The following ADAMTS14 variants were observed in gnomAD, a reference collection of about 807,000 sequenced individuals.
ADAMTS14 encodes the protein A disintegrin and metalloproteinase with thrombospondin motifs 14.
ADAMTS14 carries 100 observed loss-of-function variants against 128.6 expected under a neutral mutation model. The ratio of observed to expected loss-of-function variants is 0.78; its 90% confidence interval spans 0.66 to 0.92. The LOEUF (loss-of-function observed/expected upper bound fraction) is 0.92. ADAMTS14 is among the 40% of genes least tolerant of loss of function. ADAMTS14 has a pLI of 0.00. For missense variants in ADAMTS14, 1,562 were observed against 1,658.6 expected (o/e 0.94, Z 1.01); for synonymous variants, 665 against 653.8 (o/e 1.02, Z -0.26).
intron 9 of ADAMTS14, among the ~76,000 whole-genome samples, chr10:70,735,645 G>A (rs1292394573): frequency 1.3e-5 from 2 of 152,206 alleles, no homozygotes; most frequent in Non-Finnish European, 2.9e-5. Context: ...CACACCCTCC[G>A]GGGATGTGCC....
intron 1 of ADAMTS14, among the ~76,000 whole-genome samples, chr10:70,673,171 T>C (rs1278958254): frequency 6.6e-6 from 1 of 152,192 alleles, no homozygotes; most frequent in Admixed American, 6.5e-5. Flanking sequence ...GTGTTTCTTC[T>C]TTCCCCTCTT....
At chr10:70,750,447 C>A (rs940933281) in intron 16 of ADAMTS14, among the ~76,000 whole-genome samples, 1 of 152,190 alleles carries the variant, frequency 6.6e-6, no homozygotes, top group African/African-American at 2.4e-5. Context: ...CCCATACCCC[C>A]CTTCCTAGAG....
chr10:70,739,074 A>G, intron 11 of ADAMTS14, 84 bp downstream of exon 11: 2 of 1,474,800 alleles, frequency 1.4e-6, no homozygotes, highest in Non-Finnish European at 1.8e-6. Flanking sequence ...CTGGGGAGAC[A>G]GTGCAGGAGA....
At chr10:70,730,565 C>T (rs1402729438) in intron 6 of ADAMTS14, among the ~76,000 whole-genome samples, 1 of 152,192 alleles carries the variant, frequency 6.6e-6, no homozygotes, top group Non-Finnish European at 1.5e-5. Flanking sequence ...TGCTTCTCTC[C>T]ACACTGTGTC....
intron 3 of ADAMTS14, among the ~76,000 whole-genome samples, chr10:70,706,753 C>T (rs1589281784): frequency 6.6e-6 from 1 of 152,364 alleles, no homozygotes; most frequent in East Asian, 1.9e-4. Context: ...TGCACTATAG[C>T]ACCACTCAGC....
Position 70,761,153 on chromosome 10 carries a change from A to G in ADAMTS14, c.*300A>G, listed in dbSNP as rs1419800954. 1 of 313,960 alleles carries G rather than the reference A, an allele frequency of 3.2e-6. No individual in the cohort carries two copies. Among genetic ancestry groups the G allele is most frequent in the East Asian group, 5.6e-5 (1 of 17,932 alleles). 19.4% of individuals were successfully genotyped at this position (313,960 alleles called of 1,614,324 possible). A position where few individuals can be genotyped will look rare whatever the true frequency, so the allele number is the denominator to read the frequency against. On this transcript the variant is annotated 3_prime_UTR_variant, in exon 22 of 22. Transcript: ENST00000373207. Reference sequence around the variant, plus strand: ...CAGGGTCAACTATTGCTCCCTCCTCACAGACCCTGGGCCTGGGCAGGTCTG... The same window carrying G: ...CAGGGTCAACTATTGCTCCCTCCTCGCAGACCCTGGGCCTGGGCAGGTCTG...
intron 21 of ADAMTS14, 67 bp from the exon 22 acceptor site, chr10:70,760,293 G>C (rs985668978): frequency 2.9e-5 from 43 of 1,500,090 alleles, no homozygotes; most frequent in Non-Finnish European, 2.4e-5. Flanking sequence ...TAAGTGGGAG[G>C]GGGGGCCACC....
At chr10:70,759,606 T>C (rs955116422) in intron 21 of ADAMTS14, among the ~76,000 whole-genome samples, 15 of 152,356 alleles carry the variant, frequency 9.8e-5, no homozygotes, top group African/African-American at 3.4e-4. Flanking sequence ...TTTAAGTGAC[T>C]TGCCAAAGGC....
intron 4 of ADAMTS14, among the ~76,000 whole-genome samples, chr10:70,716,627 G>A (rs912692664): frequency 2.6e-5 from 4 of 152,192 alleles, no homozygotes; most frequent in Non-Finnish European, 2.9e-5. Flanking sequence ...TTTCCATGGG[G>A]CCAGTAATAA....
chr10:70,672,519 G>A lies in ADAMTS14; in HGVS notation c.-284G>A, dbSNP rs1334309385. ...TCCCGGAGCGTCACTGCGCGGGCGG[G>A]CTGACCGACCAGCCGGCAGTTGGCA... On this transcript the variant is annotated 5_prime_UTR_variant, in exon 1 of 22. Coordinates refer to ENST00000373207, the MANE Select transcript of ADAMTS14 (RefSeq NM_080722.4). Among the ~76,000 whole-genome samples the A allele has an allele frequency of 1.3e-5, 2 of 150,488 alleles. No individual in the cohort carries two copies. Among genetic ancestry groups the A allele is most frequent in the South Asian group, 2.1e-4 (1 of 4,832 alleles).
At chr10:70,675,065 G>A (rs1589252243) in intron 2 of ADAMTS14, 70 bp downstream of exon 2, 1 of 1,549,770 alleles carries the variant, frequency 6.5e-7, no homozygotes, top group Non-Finnish European at 8.7e-7. Flanking sequence ...TTTTGAGATT[G>A]CTATGGGCAT....
rs570889011 is a variant in ADAMTS14 at position 70,733,810 on chromosome 10, G to GGCCTGCCT, written c.1209-62_1209-55dup. 22 of 1,544,732 alleles carry GGCCTGCCT rather than the reference G, an allele frequency of 1.4e-5. No individual in the cohort carries two copies. The African/African-American group carries it at 2.7e-4, about 19-fold the overall frequency. On this transcript the variant is annotated intron_variant, in intron 7 of 21. Coordinates refer to ENST00000373207, the MANE Select transcript of ADAMTS14 (RefSeq NM_080722.4). ...GGTCAGGTCAGGGTCTCCTGCTGCT[G>GGCCTGCCT]GCCTGCCTGCCTGCCTGCCTTCCCG...
intron 2 of ADAMTS14, among the ~76,000 whole-genome samples, chr10:70,688,683 C>T: frequency 8.8e-6 from 1 of 113,824 alleles, no homozygotes. Context: ...CCGGCCAACA[C>T]AGCGAAACCC....
In ADAMTS14 at chr10:70,758,081, C is replaced by T. The variant is rs6480463; in HGVS notation, c.3057C>T (p.Pro1019=). 0.57 allele frequency: 919,869 copies of T among 1,611,842 alleles called. 264,792 individuals carry two copies. The highest frequency in any genetic ancestry group is 0.64 in the Admixed American group (38,531 of 59,846). ...ACACTGTCCAGGTCTGCAGCCTGCC[C>T]GCCTGTGGAGGTGAGCCAGAGGGGA... is the stretch of plus-strand genomic sequence containing the variant. The part of the protein sequence containing the change: ...RPDTVQVCSL[P]ACGGNHQNST... Residue 1019 remains proline (P), a synonymous_variant, in exon 20 of 22, where the codon CCC becomes CCT. Coordinates refer to ENST00000373207, the MANE Select transcript of ADAMTS14 (RefSeq NM_080722.4).
At position 70,741,181 on chromosome 10, in the gene ADAMTS14, C is replaced by T. The variant is rs1554822049; in HGVS notation, c.1924+19C>T. ...GACGATGGTGAGTGGGCCCCACCCC[C>T]CTCCCACTCCATGTCCTTAGGCATC... On this transcript the variant is annotated intron_variant, in intron 12 of 21. Coordinates refer to ENST00000373207, the MANE Select transcript of ADAMTS14 (RefSeq NM_080722.4). 30 of 1,609,562 alleles carry T rather than the reference C, an allele frequency of 1.9e-5. No individual in the cohort carries two copies. In the South Asian group the frequency reaches 2.9e-4, roughly 15 times the overall value.
intron 3 of ADAMTS14, 91 bp downstream of exon 3, chr10:70,702,559 G>A: frequency 1.4e-6 from 2 of 1,472,410 alleles, no homozygotes; most frequent in Non-Finnish European, 1.8e-6. Context: ...TCCATGTCTG[G>A]CCTCAGTCTT....
chr10:70,734,235 G>A (rs1403435695), intron 8 of ADAMTS14, among the ~76,000 whole-genome samples: 2 of 152,190 alleles, frequency 1.3e-5, no homozygotes, highest in African/African-American at 4.8e-5. Flanking sequence ...GTGTTCAGGT[G>A]ACCATTTACA....
rs1175812746 is a variant in ADAMTS14 at position 70,760,378 on chromosome 10, A to G, written c.3197A>G (p.Asp1066Gly). 9 of 1,583,380 alleles carry G rather than the reference A, an allele frequency of 5.7e-6. No homozygotes were observed. Among genetic ancestry groups the G allele is most frequent in the Admixed American group, 5.2e-5 (3 of 57,746 alleles). ...TGTGCAGCGGAGCCCTGCACGGGAG[A>G]CAGGTCTGTCTTCTGCCAGATGGAA... is the stretch of plus-strand genomic sequence containing the variant. ...KISSTEPCTGDRSVFCQMEVL... is the reference protein window; with the variant it reads ...KISSTEPCTGGRSVFCQMEVL... Residue 1066 changes from aspartate to glycine, a missense_variant, in exon 22 of 22, where the codon GAC becomes GGC. Coordinates refer to ENST00000373207, the MANE Select transcript of ADAMTS14 (RefSeq NM_080722.4).
intron 2 of ADAMTS14, among the ~76,000 whole-genome samples, chr10:70,688,604 G>C (rs1040608029): frequency 2.1e-5 from 2 of 95,310 alleles, no homozygotes; most frequent in Admixed American, 2.1e-4. Flanking sequence ...ACGAGACTCC[G>C]TCTGCAATCC....
Sources: gnomAD v4.1 joint callset for allele counts (sites outside exome capture counted in the v4.1 genomes callset) on GRCh38, gnomAD v4.1.1 for gene constraint, MANE v1.5 for transcripts, NCBI Gene and HGNC (gene_info 2026-07-23, HGNC 2026-07-21) for gene names.